The following CYTH1 variants were observed in gnomAD, a reference collection of about 807,000 sequenced individuals.
The protein encoded by CYTH1 is cytohesin-1.
Under a neutral mutation model 61.8 loss-of-function variants are expected in CYTH1, and 18 were observed. That is an observed-to-expected ratio of 0.29 (90% confidence interval 0.20 to 0.43). CYTH1 has a LOEUF of 0.43. CYTH1 is among the 20% of genes least tolerant of loss of function. CYTH1 has a pLI of 1.00. For missense variants in CYTH1, 336 were observed against 510.5 expected (o/e 0.66, Z 3.29); for synonymous variants, 174 against 184.3 (o/e 0.94, Z 0.45).
chr17:78,712,155 AGGG>A, intron 1 of CYTH1, among the ~76,000 whole-genome samples: 1 of 23,144 alleles, frequency 4.3e-5, no homozygotes, highest in Non-Finnish European at 7.8e-5. Context: ...GGAGGAAGGA[AGGG>A]AGGGAGGGAG....
chr17:78,766,820 A>G (rs141770045), intron 1 of CYTH1, among the ~76,000 whole-genome samples: 44 of 152,316 alleles, frequency 2.9e-4, no homozygotes, highest in African/African-American at 9.9e-4. Flanking sequence ...ATAAAAATGA[A>G]GAGGGGGGTG....
At chr17:78,679,540 C>T (rs1003793038) in intron 13 of CYTH1, among the ~76,000 whole-genome samples, 1 of 152,354 alleles carries the variant, frequency 6.6e-6, no homozygotes, top group Non-Finnish European at 1.5e-5. Context: ...GAGAAGCCAA[C>T]TGACTTTAGA....
intron 11 of CYTH1, among the ~76,000 whole-genome samples, chr17:78,683,082 C>T (rs1468950954): frequency 1.3e-5 from 2 of 152,182 alleles, no homozygotes; most frequent in East Asian, 3.8e-4. Flanking sequence ...TGCTTTTCTT[C>T]CAACTTTTCC....
intron 1 of CYTH1, 117 bp downstream of exon 1, chr17:78,782,085 C>T: frequency 2.1e-6 from 2 of 950,648 alleles, no homozygotes; most frequent in Non-Finnish European, 1.3e-6. Context: ...CCGGGCTCCG[C>T]GTCCCGCACC....
chr17:78,743,872 A>G (rs925558828), intron 1 of CYTH1, among the ~76,000 whole-genome samples: 1 of 152,256 alleles, frequency 6.6e-6, no homozygotes, highest in Admixed American at 6.5e-5. Flanking sequence ...GGCATGGCCT[A>G]TAGATTGATG....
chr17:78,742,996 G>T (rs2093347069), intron 1 of CYTH1, among the ~76,000 whole-genome samples: 1 of 152,182 alleles, frequency 6.6e-6, no homozygotes, highest in African/African-American at 2.4e-5. Flanking sequence ...CTGTGGTGTG[G>T]TGGTGTCAGA....
chr17:78,724,412 C>T (rs894000392), intron 1 of CYTH1, among the ~76,000 whole-genome samples: 7 of 152,238 alleles, frequency 4.6e-5, no homozygotes, highest in South Asian at 2.1e-4. Flanking sequence ...GGGAAATCAC[C>T]GTGCTAGAGC....
chr17:78,707,971 G>A (rs955547171), intron 3 of CYTH1, among the ~76,000 whole-genome samples: 25 of 152,202 alleles, frequency 1.6e-4, no homozygotes, highest in African/African-American at 5.3e-4. Context: ...GAGCCACCGC[G>A]CCCGGCCTCC....
At chr17:78,762,334 G>A (rs578034656) in intron 1 of CYTH1, among the ~76,000 whole-genome samples, 1 of 152,286 alleles carries the variant, frequency 6.6e-6, no homozygotes, top group African/African-American at 2.4e-5. Flanking sequence ...TGAATTAGGA[G>A]CACTCTTCTA....
intron 1 of CYTH1, among the ~76,000 whole-genome samples, chr17:78,762,005 G>A (rs2093430958): frequency 6.6e-6 from 1 of 152,180 alleles, no homozygotes; most frequent in African/African-American, 2.4e-5. Context: ...ACAATGAGGT[G>A]TCCATCATGT....
chr17:78,727,233 T>C (rs2093271415), intron 1 of CYTH1, among the ~76,000 whole-genome samples: 1 of 152,184 alleles, frequency 6.6e-6, no homozygotes, highest in African/African-American at 2.4e-5. Context: ...ACCACAGACA[T>C]GATAAGCATA....
intron 1 of CYTH1, among the ~76,000 whole-genome samples, chr17:78,711,340 A>C (rs1348840326): frequency 1.3e-5 from 2 of 150,106 alleles, no homozygotes; most frequent in Non-Finnish European, 3.0e-5. Flanking sequence ...CACACACACC[A>C]GACTTTCTAT....
chr17:78,739,346 C>T (rs1048133601), intron 1 of CYTH1, among the ~76,000 whole-genome samples: 1 of 152,198 alleles, frequency 6.6e-6, no homozygotes, highest in Non-Finnish European at 1.5e-5. Context: ...TGCCTGCCCT[C>T]GTGGCGTCTC....
Position 78,702,310 on chromosome 17 carries a change from C to G in CYTH1, c.238-70G>C, listed in dbSNP as rs140827601. 1,075 of 1,335,714 alleles carry G rather than the reference C, an allele frequency of 8.0e-4. 15 individuals carry two copies. The East Asian group carries it at 0.023, about 29-fold the overall frequency. The allele number at this position is 1,335,714 out of a possible 1,614,324, so 82.7% of individuals were successfully genotyped here. A position where few individuals can be genotyped will look rare whatever the true frequency, so the allele number is the denominator to read the frequency against. ...CAGTTGAAAAGAAGGGGAAAGGGCA[C>G]AGGAAGAAATGGGTGTGGGTGCACT... On this transcript the variant is annotated intron_variant, in intron 4 of 13. Transcript: ENST00000446868.
At position 78,717,261 on chromosome 17, in the gene CYTH1, T is replaced by G. The variant is rs1233256646; in HGVS notation, c.23-7529A>C. 6.6e-6 allele frequency among the ~76,000 whole-genome samples: 1 copy of G among 152,130 alleles called. No individual in the cohort carries two copies. Among genetic ancestry groups the G allele is most frequent in the Non-Finnish European group, 1.5e-5 (1 of 68,020 alleles). On this transcript the variant is annotated intron_variant, in intron 1 of 13. Transcript: ENST00000446868. The surrounding 1 kb of genome is among the most constrained non-coding windows in gnomAD (Gnocchi z 4.4). ...GGAGCCGCCCTGACACACCACCCGG[T>G]CGCTCGCCCTCCTCGCCCATTGCCA... is the stretch of plus-strand genomic sequence containing the variant.
chr17:78,746,946 A>AAAT (rs1311129474), intron 1 of CYTH1, among the ~76,000 whole-genome samples: 1 of 151,942 alleles, frequency 6.6e-6, no homozygotes, highest in African/African-American at 2.4e-5. Context: ...TCTGTCTCAA[A>AAAT]AATAATAATA....
chr17:78,739,615 G>A (rs1048112133), intron 1 of CYTH1, among the ~76,000 whole-genome samples: 1 of 152,152 alleles, frequency 6.6e-6, no homozygotes, highest in Non-Finnish European at 1.5e-5. Context: ...TTCCATTCTG[G>A]GTGAGATGCA....
intron 1 of CYTH1, among the ~76,000 whole-genome samples, chr17:78,741,365 T>C (rs1011643411): frequency 5.3e-5 from 8 of 152,118 alleles, no homozygotes; most frequent in African/African-American, 1.9e-4. Flanking sequence ...CAAGATCCTA[T>C]TTCTACAAAA....
At chr17:78,741,495 C>T (rs1347552602) in intron 1 of CYTH1, among the ~76,000 whole-genome samples, 1 of 151,996 alleles carries the variant, frequency 6.6e-6, no homozygotes, top group African/African-American at 2.4e-5. Flanking sequence ...AGAAACATTC[C>T]TAGAGTGGGA....
Sources: allele counts gnomAD v4.1 joint callset (sites outside exome capture counted in the v4.1 genomes callset), GRCh38; gene constraint gnomAD v4.1.1; non-coding constraint Gnocchi (gnomAD v3.1); transcripts MANE v1.5; gene names NCBI Gene and HGNC (gene_info 2026-07-23, HGNC 2026-07-21).